TOP6BL: variants seen among roughly 807,000 people sequenced by gnomAD.
The protein encoded by TOP6BL is type 2 DNA topoisomerase 6 subunit B-like.
chr11:66,784,804 C>CT, the TOP6BL span, among the ~76,000 whole-genome samples: 279 of 152,190 alleles, frequency 1.8e-3, 1 homozygote, highest in Admixed American at 3.3e-3. Context: ...TTTAGCTGTT[C>CT]TGAGTAATCC....
the TOP6BL span, among the ~76,000 whole-genome samples, chr11:66,798,945 G>A: frequency 1.3e-5 from 2 of 151,860 alleles, no homozygotes; most frequent in Admixed American, 6.6e-5. Context: ...AGTGGCTCAC[G>A]CCTGTAATCC....
chr11:66,821,635 C>G, the TOP6BL span: 2 of 1,597,856 alleles, frequency 1.3e-6, no homozygotes, highest in African/African-American at 1.3e-5. Flanking sequence ...CCTTCTCCCT[C>G]CCCTTAGGAG....
chr11:66,785,456 A>G, the TOP6BL span, among the ~76,000 whole-genome samples: 1 of 152,014 alleles, frequency 6.6e-6, no homozygotes, highest in Non-Finnish European at 1.5e-5. Flanking sequence ...CATGGTATTA[A>G]TCTTCTTTGC....
the TOP6BL span, chr11:66,839,270 A>G: frequency 2.2e-6 from 1 of 450,790 alleles, no homozygotes; most frequent in Non-Finnish European, 4.4e-6. Flanking sequence ...CCTAGGAGCT[A>G]TAGGTACTGT....
At chr11:66,761,229 G>A in the TOP6BL span, among the ~76,000 whole-genome samples, 1 of 151,988 alleles carries the variant, frequency 6.6e-6, no homozygotes, top group African/African-American at 2.4e-5. Context: ...AAATTAGCCG[G>A]GCGTGGTGGC....
At chr11:66,822,290 T>C in the TOP6BL span, among the ~76,000 whole-genome samples, 2 of 151,500 alleles carry the variant, frequency 1.3e-5, no homozygotes, top group African/African-American at 4.9e-5. Flanking sequence ...CCAAATAGTG[T>C]GTCTGTTTTC....
chr11:66,796,122 T>C, the TOP6BL span: 27 of 584,872 alleles, frequency 4.6e-5, no homozygotes, highest in African/African-American at 4.7e-4. Context: ...ATTTAGATTT[T>C]CTTTTGCATA....
At chr11:66,812,108 T>C in the TOP6BL span, among the ~76,000 whole-genome samples, 1 of 152,070 alleles carries the variant, frequency 6.6e-6, no homozygotes, top group Non-Finnish European at 1.5e-5. Context: ...TACAAGTAAA[T>C]GATTTAAACA....
At chr11:66,800,794 T>A in the TOP6BL span, 1 of 1,169,242 alleles carries the variant, frequency 8.6e-7, no homozygotes, top group East Asian at 2.5e-5. Flanking sequence ...GTTTGATATC[T>A]TGACCCAAAG....
chr11:66,769,115 A>G, the TOP6BL span, among the ~76,000 whole-genome samples: 1 of 152,184 alleles, frequency 6.6e-6, no homozygotes, highest in African/African-American at 2.4e-5. Context: ...CTATAGTGGT[A>G]TAGTGGAATT....
chr11:66,797,180 A>G, the TOP6BL span, among the ~76,000 whole-genome samples: 1 of 151,318 alleles, frequency 6.6e-6, no homozygotes, highest in Non-Finnish European at 1.5e-5. Flanking sequence ...TTGTATTTTC[A>G]GTAGAGACAG....
At chr11:66,769,851 C>T in the TOP6BL span, among the ~76,000 whole-genome samples, 1 of 151,934 alleles carries the variant, frequency 6.6e-6, no homozygotes, top group African/African-American at 2.4e-5. Context: ...TGCCATTCTC[C>T]TGCCTCAGCC....
At chr11:66,791,304 A>G in the TOP6BL span, among the ~76,000 whole-genome samples, 1 of 152,228 alleles carries the variant, frequency 6.6e-6, no homozygotes, top group Admixed American at 6.5e-5. Flanking sequence ...CTTGGTGTTC[A>G]TTAGGCTGGG....
chr11:66,822,265 C>CT, the TOP6BL span, among the ~76,000 whole-genome samples: 96 of 144,696 alleles, frequency 6.6e-4, no homozygotes, highest in Middle Eastern at 7.2e-3. Flanking sequence ...GAACTAAAAG[C>CT]TTTTTTTTTT....
chr11:66,825,776 C>A, the TOP6BL span, among the ~76,000 whole-genome samples: 3 of 151,954 alleles, frequency 2.0e-5, no homozygotes, highest in Non-Finnish European at 4.4e-5. Context: ...TGTTTCCCTT[C>A]CTTTAGGAAT....
At chr11:66,772,069 C>T in the TOP6BL span, among the ~76,000 whole-genome samples, 3 of 152,098 alleles carry the variant, frequency 2.0e-5, no homozygotes, top group Non-Finnish European at 2.9e-5. Flanking sequence ...GAGGTCAAAA[C>T]ATCAACGTTA....
the TOP6BL span, among the ~76,000 whole-genome samples, chr11:66,817,308 G>A: frequency 6.6e-6 from 1 of 152,056 alleles, no homozygotes; most frequent in Non-Finnish European, 1.5e-5. Context: ...GGAACCTTTG[G>A]TGTTTATCTA....
the TOP6BL span, among the ~76,000 whole-genome samples, chr11:66,746,562 A>G: frequency 6.6e-6 from 1 of 152,092 alleles, no homozygotes; most frequent in African/African-American, 2.4e-5. Flanking sequence ...TAAAAATACA[A>G]AATTAGCCAG....
chr11:66,842,885 G>C, the TOP6BL span: 2 of 1,575,612 alleles, frequency 1.3e-6, no homozygotes, highest in East Asian at 2.4e-5. Flanking sequence ...AGGCTCAAGA[G>C]GGGCAGCCCC....
Sources: gnomAD v4.1 joint callset for allele counts (sites outside exome capture counted in the v4.1 genomes callset) on GRCh38, gnomAD v4.1.1 for gene constraint, MANE v1.5 for transcripts, NCBI Gene and HGNC (gene_info 2026-07-23, HGNC 2026-07-21) for gene names.